SCFD2: variants seen among roughly 807,000 people sequenced by gnomAD.
SCFD2 encodes the protein sec1 family domain-containing protein 2.
In SCFD2, 54 loss-of-function variants were observed where a neutral mutation model predicts 58.9. The observed-to-expected ratio is 0.92, with a 90% CI of 0.74 to 1.15. SCFD2 has a LOEUF of 1.15. Ranked by LOEUF, SCFD2 falls within the 50% of genes most tolerant of loss-of-function variation. The pLI is 0.00. For synonymous variants in SCFD2, 321 were observed against 335.9 expected (o/e 0.96, Z 0.49); for missense variants, 805 against 836.6 (o/e 0.96, Z 0.47).
chr4:52,969,451 C>T (rs1721041617), intron 5 of SCFD2, among the ~76,000 whole-genome samples: 1 of 152,168 alleles, frequency 6.6e-6, no homozygotes, highest in Non-Finnish European at 1.5e-5. Flanking sequence ...ACTTATGGAA[C>T]TCATAAGGGC....
At chr4:53,235,224 G>T (rs934038320) in intron 4 of SCFD2, among the ~76,000 whole-genome samples, 4 of 152,206 alleles carry the variant, frequency 2.6e-5, no homozygotes, top group Non-Finnish European at 5.9e-5. Context: ...ATTACTTGGG[G>T]TGGCCATGTG....
chr4:53,262,487 C>T (rs1030066237), intron 4 of SCFD2, among the ~76,000 whole-genome samples: 1 of 152,174 alleles, frequency 6.6e-6, no homozygotes, highest in Non-Finnish European at 1.5e-5. Context: ...CTAGAAAAGA[C>T]TGTATCTTTC....
chr4:53,091,759 C>G (rs926291519), intron 5 of SCFD2, among the ~76,000 whole-genome samples: 3 of 152,056 alleles, frequency 2.0e-5, no homozygotes, highest in African/African-American at 7.2e-5. Context: ...GAGATGCACT[C>G]TGAAAAATAG....
chr4:53,201,285 T>C (rs1344532250), intron 4 of SCFD2, among the ~76,000 whole-genome samples: 3 of 152,020 alleles, frequency 2.0e-5, no homozygotes, highest in Non-Finnish European at 4.4e-5. Flanking sequence ...TTTGGTTTTT[T>C]CTCCTTGCCA....
intron 4 of SCFD2, among the ~76,000 whole-genome samples, chr4:53,175,475 AT>A (rs1727301282): frequency 6.6e-6 from 1 of 152,284 alleles, no homozygotes; most frequent in African/African-American, 2.4e-5. Flanking sequence ...TACTTCTGAA[AT>A]TTTTTCATTT....
intron 5 of SCFD2, among the ~76,000 whole-genome samples, chr4:53,125,541 C>A (rs2148895394): frequency 6.6e-6 from 1 of 152,360 alleles, no homozygotes; most frequent in South Asian, 2.1e-4. Context: ...TCAGACAAGC[C>A]AGTCAGCTTC....
intron 5 of SCFD2, among the ~76,000 whole-genome samples, chr4:53,023,716 A>T (rs1487572082): frequency 6.6e-6 from 1 of 151,996 alleles, no homozygotes; most frequent in African/African-American, 2.4e-5. Flanking sequence ...CTGTTTTTGT[A>T]GTCTGTTTCT....
intron 2 of SCFD2, among the ~76,000 whole-genome samples, chr4:53,346,538 C>T (rs550229782): frequency 6.6e-6 from 1 of 151,952 alleles, no homozygotes; most frequent in Non-Finnish European, 1.5e-5. Flanking sequence ...CCTCCCAAAG[C>T]GCTGGGATTA....
intron 2 of SCFD2, among the ~76,000 whole-genome samples, chr4:53,349,720 T>C (rs973133891): frequency 5.3e-5 from 8 of 152,260 alleles, no homozygotes; most frequent in Admixed American, 2.0e-4. Context: ...ACATTACTTA[T>C]AGGACTGAAA....
At chr4:53,033,299 T>C (rs1443329719) in intron 5 of SCFD2, among the ~76,000 whole-genome samples, 2 of 151,608 alleles carry the variant, frequency 1.3e-5, no homozygotes, top group Non-Finnish European at 2.9e-5. Flanking sequence ...TACCAGAATC[T>C]CTAGGACACA....
chr4:53,316,426 T>C (rs1560443808), intron 2 of SCFD2, among the ~76,000 whole-genome samples: 1 of 152,226 alleles, frequency 6.6e-6, no homozygotes, highest in Non-Finnish European at 1.5e-5. Flanking sequence ...AGTTGGAAGT[T>C]ATAATAGTGA....
intron 5 of SCFD2, among the ~76,000 whole-genome samples, chr4:53,000,550 T>TC (rs1721840449): frequency 1.3e-5 from 2 of 152,276 alleles, no homozygotes; most frequent in East Asian, 3.9e-4. Flanking sequence ...AGCCAGATTG[T>TC]GTACAGAGGA....
intron 6 of SCFD2, 34 bp downstream of exon 6, chr4:52,920,691 G>A: frequency 6.7e-7 from 1 of 1,484,406 alleles, no homozygotes; most frequent in Non-Finnish European, 9.1e-7. Context: ...AAGTACAACA[G>A]ATTAGAAGGT....
chr4:53,228,739 C>A (rs1729315708), intron 4 of SCFD2, among the ~76,000 whole-genome samples: 1 of 152,154 alleles, frequency 6.6e-6, no homozygotes, highest in African/African-American at 2.4e-5. Context: ...CTCACCACTC[C>A]TATTCAACAT....
chr4:53,121,032 G>A (rs918111842), intron 5 of SCFD2, among the ~76,000 whole-genome samples: 6 of 152,184 alleles, frequency 3.9e-5, no homozygotes, highest in Admixed American at 2.6e-4. Context: ...TGCCATATCC[G>A]GTACTTGATA....
intron 8 of SCFD2, among the ~76,000 whole-genome samples, chr4:52,881,975 C>T (rs900607): frequency 0.12 from 18,965 of 152,022 alleles, 1,260 homozygotes; most frequent in East Asian, 0.25. Context: ...AAGCCCCAGA[C>T]GTAGGCAGGG....
chr4:52,914,182 C>T (rs541809054), intron 6 of SCFD2, among the ~76,000 whole-genome samples: 8 of 152,270 alleles, frequency 5.3e-5, no homozygotes, highest in African/African-American at 1.9e-4. Context: ...GGCAAGATTG[C>T]TTATGACAAA....
At chr4:53,039,990 T>C (rs1722855192) in intron 5 of SCFD2, among the ~76,000 whole-genome samples, 1 of 152,168 alleles carries the variant, frequency 6.6e-6, no homozygotes, top group South Asian at 2.1e-4. Context: ...GAACTGGTAA[T>C]TACATGATCC....
chr4:53,350,220 C>T (rs761868896), intron 2 of SCFD2, among the ~76,000 whole-genome samples: 2 of 152,116 alleles, frequency 1.3e-5, no homozygotes, highest in Non-Finnish European at 2.9e-5. Context: ...CTCCGCCATG[C>T]CATATGATAT....
Sources: gnomAD v4.1 joint callset for allele counts (sites outside exome capture counted in the v4.1 genomes callset) on GRCh38, gnomAD v4.1.1 for gene constraint, MANE v1.5 for transcripts, NCBI Gene and HGNC (gene_info 2026-07-23, HGNC 2026-07-21) for gene names.